The following DLG2 variants were observed in gnomAD, a reference collection of about 807,000 sequenced individuals.
DLG2 encodes the protein discs large MAGUK scaffold protein 2.
DLG2 carries 45 observed loss-of-function variants against 132.5 expected under a neutral mutation model. The ratio of observed to expected loss-of-function variants is 0.34; its 90% CI spans 0.27 to 0.44. DLG2 has a LOEUF of 0.44. Ranked by LOEUF, DLG2 falls within the 20% of genes least tolerant of loss-of-function variation. The pLI is 1.00. For synonymous variants in DLG2, 424 were observed against 419.6 expected (o/e 1.01, Z -0.13); for missense variants, 1,045 against 1,196.9 (o/e 0.87, Z 1.87).
intron 11 of DLG2, among the ~76,000 whole-genome samples, chr11:84,030,170 C>T (rs944066146): frequency 6.6e-6 from 1 of 152,088 alleles, no homozygotes; most frequent in Non-Finnish European, 1.5e-5. Context: ...CTTCTAGTAA[C>T]TTAACTTTTC....
intron 19 of DLG2, among the ~76,000 whole-genome samples, chr11:83,556,482 C>T (rs1420635464): frequency 6.6e-6 from 1 of 151,878 alleles, no homozygotes; most frequent in Admixed American, 6.6e-5. Context: ...AAGTGATCCT[C>T]CCATCTCAGC....
At chr11:85,209,249 A>G (rs1319107596) in intron 4 of DLG2, among the ~76,000 whole-genome samples, 1 of 151,974 alleles carries the variant, frequency 6.6e-6, no homozygotes, top group East Asian at 1.9e-4. Context: ...GTTAAGTTCA[A>G]TTTCTCCCAC....
At chr11:84,301,230 T>C (rs2098147697) in intron 7 of DLG2, among the ~76,000 whole-genome samples, 1 of 152,106 alleles carries the variant, frequency 6.6e-6, no homozygotes, top group Non-Finnish European at 1.5e-5. Context: ...AAAGAATATT[T>C]GGCAGTCATT....
At chr11:85,073,939 CTT>C (rs974212279) in intron 6 of DLG2, among the ~76,000 whole-genome samples, 11 of 151,974 alleles carry the variant, frequency 7.2e-5, no homozygotes, top group African/African-American at 2.2e-4. Context: ...AGATAATGTC[CTT>C]TGCAGCAACC....
intron 2 of DLG2, among the ~76,000 whole-genome samples, chr11:85,600,624 C>A (rs1463041066): frequency 1.3e-5 from 2 of 152,096 alleles, no homozygotes; most frequent in African/African-American, 4.8e-5. Flanking sequence ...GTATTCATAG[C>A]CAACTTAGGG....
intron 6 of DLG2, among the ~76,000 whole-genome samples, chr11:84,570,443 G>A (rs1359366386): frequency 1.3e-5 from 2 of 152,120 alleles, no homozygotes; most frequent in Admixed American, 1.3e-4. Flanking sequence ...TATGGTATGT[G>A]TCTCTCCTCT....
At chr11:84,661,128 A>G (rs2099694031) in intron 6 of DLG2, among the ~76,000 whole-genome samples, 1 of 152,150 alleles carries the variant, frequency 6.6e-6, no homozygotes, top group East Asian at 1.9e-4. Flanking sequence ...GTCACCTGCA[A>G]TTTCTTCATA....
At chr11:84,065,903 A>ATGTCCTT in intron 10 of DLG2, among the ~76,000 whole-genome samples, 2 of 152,336 alleles carry the variant, frequency 1.3e-5, no homozygotes, top group Middle Eastern at 6.8e-3. Flanking sequence ...TAATGAGATC[A>ATGTCCTT]TGTCCTTTAC....
At chr11:83,658,943 C>G (rs769826486) in intron 18 of DLG2, among the ~76,000 whole-genome samples, 14 of 152,160 alleles carry the variant, frequency 9.2e-5, no homozygotes, top group Non-Finnish European at 1.5e-4. Context: ...GACACTTGCT[C>G]CAGGTTACTT....
intron 7 of DLG2, among the ~76,000 whole-genome samples, chr11:84,440,569 C>A (rs1217279658): frequency 6.6e-6 from 1 of 152,154 alleles, no homozygotes; most frequent in Non-Finnish European, 1.5e-5. Context: ...CATTGCTCTG[C>A]TGATTGAGAT....
At chr11:85,014,707 A>T (rs927218800) in intron 6 of DLG2, among the ~76,000 whole-genome samples, 3 of 152,164 alleles carry the variant, frequency 2.0e-5, no homozygotes, top group South Asian at 2.1e-4. Flanking sequence ...CCCCACCCGG[A>T]CCTAACACAC....
At chr11:84,847,948 A>G (rs2081691790) in intron 6 of DLG2, among the ~76,000 whole-genome samples, 1 of 152,144 alleles carries the variant, frequency 6.6e-6, no homozygotes, top group South Asian at 2.1e-4. Context: ...CCATCAAAGA[A>G]AAGGGACATT....
At chr11:84,597,047 C>A (rs939047765) in intron 6 of DLG2, among the ~76,000 whole-genome samples, 7 of 151,914 alleles carry the variant, frequency 4.6e-5, no homozygotes, top group Non-Finnish European at 4.4e-5. Flanking sequence ...ATGGGGAAAC[C>A]CCATCTCTAC....
intron 18 of DLG2, among the ~76,000 whole-genome samples, chr11:83,706,046 G>A (rs1020103821): frequency 2.6e-5 from 4 of 151,890 alleles, no homozygotes; most frequent in East Asian, 1.9e-4. Context: ...GTGAAACCCC[G>A]TCTCTACTAA....
chr11:85,197,904 A>T (rs1443360421), intron 4 of DLG2, among the ~76,000 whole-genome samples: 1 of 152,234 alleles, frequency 6.6e-6, no homozygotes, highest in Non-Finnish European at 1.5e-5. Flanking sequence ...ATGTTTCCTC[A>T]GCTAAAATCT....
chr11:84,307,421 G>T (rs762217575), intron 7 of DLG2, among the ~76,000 whole-genome samples: 3 of 152,178 alleles, frequency 2.0e-5, no homozygotes, highest in Admixed American at 6.5e-5. Flanking sequence ...CAGAACTGGT[G>T]TGTTCTTGGT....
intron 3 of DLG2, among the ~76,000 whole-genome samples, chr11:85,339,417 T>G (rs1219704693): frequency 6.6e-6 from 1 of 152,176 alleles, no homozygotes; most frequent in East Asian, 1.9e-4. Context: ...CACCTGTAAT[T>G]TTTTACTAGG....
chr11:85,033,332 C>T (rs1227147912), intron 6 of DLG2, among the ~76,000 whole-genome samples: 1 of 137,694 alleles, frequency 7.3e-6, no homozygotes, highest in Non-Finnish European at 1.5e-5. Context: ...ACTTGTGCCC[C>T]AGAAATAAAG....
intron 6 of DLG2, among the ~76,000 whole-genome samples, chr11:85,062,430 G>A (rs912178663): frequency 6.6e-6 from 1 of 151,314 alleles, no homozygotes; most frequent in Non-Finnish European, 1.5e-5. Context: ...AAGAGAGAGG[G>A]TTGTTAAGAA....
Sources: allele counts gnomAD v4.1 joint callset (sites outside exome capture counted in the v4.1 genomes callset), GRCh38; gene constraint gnomAD v4.1.1; transcripts MANE v1.5; gene names NCBI Gene and HGNC (gene_info 2026-07-23, HGNC 2026-07-21).